Variants in AFDN observed in about 807,000 individuals in gnomAD.
AFDN encodes the protein afadin, adherens junction formation factor, also known as afadin.
Under a neutral mutation model 216.6 loss-of-function variants are expected in AFDN, and 68 were observed. That is an observed-to-expected ratio of 0.31 (90% CI 0.26 to 0.38). The LOEUF (loss-of-function observed/expected upper bound fraction) is 0.38. Ranked by LOEUF, AFDN falls within the 10% of genes least tolerant of loss-of-function variation. The pLI, the probability that AFDN is intolerant of heterozygous loss-of-function variation, is 1.00. For synonymous variants in AFDN, 868 were observed against 853.7 expected (o/e 1.02, Z -0.29); for missense variants, 2,136 against 2,342.0 (o/e 0.91, Z 1.82).
chr6:167,914,741 T>G lies in AFDN; in HGVS notation c.2299+3T>G. Reference sequence around the variant, plus strand: ...CAGTCTGCAACGACCAAAAATAGGTTAGGATGTTTTCTGACTGTCTCCCTC... The same window carrying G: ...CAGTCTGCAACGACCAAAAATAGGTGAGGATGTTTTCTGACTGTCTCCCTC... On this transcript the variant is annotated splice_donor_region_variant and intron_variant, in intron 18 of 33. Coordinates refer to ENST00000683244, the MANE Select transcript of AFDN (RefSeq NM_001386888.1). The G allele has an allele frequency of 1.3e-6, 2 of 1,594,398 alleles. No individual in the cohort carries two copies. The highest frequency in any genetic ancestry group is 1.7e-6 in the Non-Finnish European group (2 of 1,162,342).
At chr6:167,945,163 A>AT (rs35415490) in intron 26 of AFDN, among the ~76,000 whole-genome samples, 64,373 of 150,058 alleles carry the variant, frequency 0.43, 14,368 homozygotes, top group East Asian at 0.8. Context: ...GTGATTTTCT[A>AT]TTTTTTTTTT....
chr6:167,947,353 G>C (rs535856113), intron 27 of AFDN, among the ~76,000 whole-genome samples: 125 of 152,050 alleles, frequency 8.2e-4, no homozygotes, highest in South Asian at 1.9e-3. Context: ...CTAATTTTTT[G>C]TATTTTTAGT....
rs537252075 is a variant in AFDN, at chr6:167,913,399, C to G, written c.2038-4C>G. ...TTGATTTCCCCTCGTCTGTTTTTCT[C>G]CAGGAAGTAGACCAGGTTGACCAGG... is the stretch of plus-strand genomic sequence containing the variant. On this transcript the variant is annotated splice_polypyrimidine_tract_variant and splice_region_variant and intron_variant, in intron 15 of 33. Transcript: ENST00000683244. 3.9e-6 allele frequency: 6 copies of G among 1,535,672 alleles called. No individual in the cohort carries two copies. Among genetic ancestry groups the G allele is most frequent in the Non-Finnish European group, 5.2e-6 (6 of 1,146,774 alleles).
Position 167,965,900 on chromosome 6 carries a change from G to T in AFDN, c.5112G>T (p.Pro1704=), listed in dbSNP as rs138065781. 5.7e-6 allele frequency: 7 copies of T among 1,229,360 alleles called. No homozygotes were observed. Among genetic ancestry groups the T allele is most frequent in the Admixed American group, 5.0e-5 (2 of 40,384 alleles). The allele number at this position is 1,229,360 out of a possible 1,614,324, so 76.2% of individuals were successfully genotyped here. Residue 1704 remains proline (P), a synonymous_variant, in exon 32 of 34, where the codon CCG becomes CCT. Coordinates refer to ENST00000683244, the MANE Select transcript of AFDN (RefSeq NM_001386888.1). ...CCCGGGACTACGAGCCCCCGTCCCC[G>T]TCCCCCGCGCCCGGCGCCCCTCCTC... ...PLPRDYEPPS[P]SPAPGAPPPP... is the part of the protein sequence containing the mutation.
rs778968253 is a variant in AFDN at position 167,962,613 on chromosome 6, AAC to A, written c.4968+47_4968+48del. The A allele has an allele frequency of 1.2e-6, 2 of 1,612,346 alleles. No homozygotes were observed. Among genetic ancestry groups the A allele is most frequent in the Admixed American group, 3.3e-5 (2 of 59,982 alleles). On this transcript the variant is annotated intron_variant, in intron 31 of 33. Coordinates refer to ENST00000683244, the MANE Select transcript of AFDN (RefSeq NM_001386888.1). This position sits in a 1 kb window ranked among gnomAD's most constrained non-coding sequence, Gnocchi z 5.2. ...GCTAGAATTTTACCAAGTTAGCCTG[AAC>A]GTAATCGATTGGCTGGGGCAGAGCG...
intron 5 of AFDN, among the ~76,000 whole-genome samples, chr6:167,879,450 G>T (rs1413859001): frequency 6.6e-6 from 1 of 152,122 alleles, no homozygotes; most frequent in Non-Finnish European, 1.5e-5. Context: ...TTAAATTACA[G>T]GTGAGAAAAT....
rs1026947794 is a variant in AFDN, at chr6:167,964,561, T to C, written c.4969-1196T>C. On this transcript the variant is annotated intron_variant, in intron 31 of 33. Coordinates refer to ENST00000683244, the MANE Select transcript of AFDN (RefSeq NM_001386888.1). ...GGGCAGTAATTGGGGCTGGCATTTA[T>C]TCTTAAGAGTTTTCTCCCTCAAAAG... 6 of 1,065,822 alleles carry C rather than the reference T, an allele frequency of 5.6e-6. No individual in the cohort carries two copies. The African/African-American group carries it at 9.8e-5, about 17-fold the overall frequency. 66.0% of individuals were successfully genotyped at this position (1,065,822 alleles called of 1,614,324 possible). A position where few individuals can be genotyped will look rare whatever the true frequency, so the allele number is the denominator to read the frequency against.
intron 1 of AFDN, among the ~76,000 whole-genome samples, chr6:167,858,525 T>C (rs1328475893): frequency 1.3e-5 from 2 of 152,220 alleles, no homozygotes; most frequent in Admixed American, 6.5e-5. Context: ...TTTCCCACTT[T>C]CAGTGAACTT....
chr6:167,917,410 G>A (rs961609675), intron 20 of AFDN, among the ~76,000 whole-genome samples, 178 bp downstream of exon 20: 15 of 152,226 alleles, frequency 9.9e-5, no homozygotes, highest in Non-Finnish European at 1.6e-4. Flanking sequence ...ATACTCCTAA[G>A]TAGAAAGGGA....
At chr6:167,828,005 C>T (rs1779382878) in intron 1 of AFDN, 1 of 152,174 alleles carries the variant, frequency 6.6e-6, no homozygotes, top group Admixed American at 6.5e-5. Context: ...TGTTTGAGTC[C>T]AAGTCCACTA....
At chr6:167,927,781 C>A (rs1240235952) in intron 23 of AFDN, among the ~76,000 whole-genome samples, 1 of 152,144 alleles carries the variant, frequency 6.6e-6, no homozygotes, top group South Asian at 2.1e-4. Context: ...TGCTCACAGG[C>A]CATGTTTCCA....
intron 9 of AFDN, among the ~76,000 whole-genome samples, chr6:167,894,446 G>A (rs756515798): frequency 6.6e-6 from 1 of 152,110 alleles, no homozygotes; most frequent in African/African-American, 2.4e-5. Context: ...GAAAATTTGG[G>A]ATTTTTGTTT....
chr6:167,863,978 T>G (rs1223324650), intron 1 of AFDN, among the ~76,000 whole-genome samples: 4 of 152,182 alleles, frequency 2.6e-5, no homozygotes, highest in Admixed American at 6.5e-5. Flanking sequence ...AATTAAGAGT[T>G]TTCATTTATT....
At chr6:167,959,762 C>T (rs1187408773) in intron 30 of AFDN, among the ~76,000 whole-genome samples, 2 of 152,118 alleles carry the variant, frequency 1.3e-5, no homozygotes, top group Non-Finnish European at 2.9e-5. Context: ...ATGTGGACTA[C>T]CCATATAGCA....
chr6:167,939,805 AT>A (rs1794464486), intron 23 of AFDN, among the ~76,000 whole-genome samples: 1 of 152,084 alleles, frequency 6.6e-6, no homozygotes, highest in South Asian at 2.1e-4. Context: ...TCTTAGAAGT[AT>A]TTTTCCGTAG....
At chr6:167,871,896 A>G (rs778778083) in intron 3 of AFDN, among the ~76,000 whole-genome samples, 2 of 152,140 alleles carry the variant, frequency 1.3e-5, no homozygotes, top group Non-Finnish European at 2.9e-5. Flanking sequence ...AGATTTCATC[A>G]TTTCTCCCCC....
chr6:167,906,191 ACT>A (rs1467240941), intron 12 of AFDN, among the ~76,000 whole-genome samples: 1 of 152,234 alleles, frequency 6.6e-6, no homozygotes, highest in Admixed American at 6.5e-5. Context: ...GTCACTCTGT[ACT>A]GATGAACATT....
Position 167,951,612 on chromosome 6 carries a change from G to C in AFDN, c.4258G>C (p.Glu1420Gln). 6.2e-7 allele frequency: 1 copy of C among 1,614,110 alleles called. No homozygotes were observed. ...QVAAAERRKR[E>Q]EHQRWYEKEK... Reference sequence around the variant, plus strand: ...GGCTGCTGCTGAACGGAGAAAGAGAGAAGAACATCAGCGTTGGTATGAGAA... The same window carrying C: ...GGCTGCTGCTGAACGGAGAAAGAGACAAGAACATCAGCGTTGGTATGAGAA... The change falls in exon 30 of 34, where the codon GAA becomes CAA. Residue 1420 changes from glutamate to glutamine, a missense_variant. This residue lies in a region of AFDN where 981 missense variants were observed against 966.0 expected (regional missense o/e 1.02). Coordinates refer to ENST00000683244, the MANE Select transcript of AFDN (RefSeq NM_001386888.1). This position sits in a 1 kb window ranked among gnomAD's most constrained non-coding sequence, Gnocchi z 7.1.
Position 167,855,980 on chromosome 6 carries a change from A to AGTTCG in AFDN, c.106-8571_106-8570insGTTCG, listed in dbSNP as rs1172580518. ...CATACGAAATGGAAAATCCAAAAAT[A>AGTTCG]AACAACTAATATGTTTCGAATTGCA... is the stretch of plus-strand genomic sequence containing the variant. On this transcript the variant is annotated intron_variant, in intron 1 of 33. Coordinates refer to ENST00000683244, the MANE Select transcript of AFDN (RefSeq NM_001386888.1). Among the ~76,000 whole-genome samples the AGTTCG allele has an allele frequency of 9.8e-5, 15 of 152,286 alleles. No individual in the cohort carries two copies. In the South Asian group the frequency reaches 3.1e-3, roughly 32 times the overall value.
Sources: gnomAD v4.1 joint callset for allele counts (sites outside exome capture counted in the v4.1 genomes callset) on GRCh38, gnomAD v4.1.1 for gene constraint, gnomAD v4.1.1 regional missense constraint, Gnocchi (gnomAD v3.1) non-coding constraint, MANE v1.5 for transcripts, NCBI Gene and HGNC (gene_info 2026-07-23, HGNC 2026-07-21) for gene names.